The following PLPP1 variants were observed in gnomAD, a reference collection of about 807,000 sequenced individuals.
PLPP1 encodes lipid phosphate phosphohydrolase 1a.
Under a neutral mutation model 31.2 loss-of-function variants are expected in PLPP1, and 24 were observed. The observed-to-expected ratio is 0.77, with a 90% confidence interval of 0.56 to 1.08. The LOEUF is 1.08. Among genes scored for constraint, PLPP1 ranks in the 50% least tolerant of loss-of-function variants. The pLI is 0.00. For synonymous variants in PLPP1, 146 were observed against 126.3 expected (o/e 1.16, Z -1.05); for missense variants, 319 against 342.7 (o/e 0.93, Z 0.55).
At chr5:55,454,107 C>T (rs1485847477) in intron 3 of PLPP1, among the ~76,000 whole-genome samples, 1 of 152,044 alleles carries the variant, frequency 6.6e-6, no homozygotes, top group Non-Finnish European at 1.5e-5. Flanking sequence ...TTCTGTTCTT[C>T]CAGAAACCAA....
intron 1 of PLPP1, chr5:55,530,052 C>T (rs1460844844): frequency 9.3e-6 from 6 of 644,778 alleles, no homozygotes; most frequent in Non-Finnish European, 1.7e-5. Context: ...GACTGAATTA[C>T]TTTTATTAAT....
At chr5:55,453,195 A>G (rs1751930755) in intron 3 of PLPP1, among the ~76,000 whole-genome samples, 6 of 152,234 alleles carry the variant, frequency 3.9e-5, no homozygotes. Flanking sequence ...CACAAGAAGT[A>G]TACTTTAACA....
chr5:55,472,067 A>G (rs1561236206), intron 2 of PLPP1, among the ~76,000 whole-genome samples: 1 of 152,208 alleles, frequency 6.6e-6, no homozygotes, highest in Non-Finnish European at 1.5e-5. Context: ...GGCTGCAGTG[A>G]GCTCTGATCA....
intron 2 of PLPP1, among the ~76,000 whole-genome samples, chr5:55,474,383 A>G (rs1169996204): frequency 1.3e-5 from 2 of 152,218 alleles, no homozygotes; most frequent in East Asian, 1.9e-4. Context: ...CTGGAACCAT[A>G]ATATTACAAG....
chr5:55,483,151 C>T lies in PLPP1; in HGVS notation c.59-7701G>A, dbSNP rs1222913179. Among the ~76,000 whole-genome samples, 7 of 151,898 alleles carry T rather than the reference C, an allele frequency of 4.6e-5. No homozygotes were observed. The East Asian group carries it at 1.3e-3, about 29-fold the overall frequency. ...AATTAACTTAGGAGCACTTAGACTA[C>T]CAAAATTAATAAAAAATATTTCTTA... is the stretch of plus-strand genomic sequence containing the variant. On this transcript the variant is annotated intron_variant, in intron 1 of 5. Coordinates refer to ENST00000307259, the MANE Select transcript of PLPP1 (RefSeq NM_003711.4).
At chr5:55,478,391 T>C (rs911501046) in intron 1 of PLPP1, among the ~76,000 whole-genome samples, 1 of 152,180 alleles carries the variant, frequency 6.6e-6, no homozygotes, top group African/African-American at 2.4e-5. Flanking sequence ...TACATAATTA[T>C]AGCAGAGAAT....
intron 1 of PLPP1, among the ~76,000 whole-genome samples, chr5:55,480,950 TG>T (rs982109821): frequency 6.6e-6 from 1 of 152,228 alleles, no homozygotes; most frequent in African/African-American, 2.4e-5. Context: ...TCAGGTTCTC[TG>T]CATAGTAAAC....
intron 3 of PLPP1, among the ~76,000 whole-genome samples, chr5:55,464,233 ATCTT>A (rs1431663872): frequency 1.1e-4 from 11 of 101,040 alleles, no homozygotes; most frequent in African/African-American, 4.2e-4. Context: ...TGTTCAGAAC[ATCTT>A]TTTTTTTTTT....
At position 55,534,801 on chromosome 5, in the gene PLPP1, C is replaced by T. The variant is rs144489020; in HGVS notation, c.-172G>A. 13,038 of 628,698 alleles carry T rather than the reference C, an allele frequency of 0.021. 197 individuals are homozygous for T. The highest frequency in any genetic ancestry group is 0.038 in the Middle Eastern group (86 of 2,286). 38.9% of individuals were successfully genotyped at this position (628,698 alleles called of 1,614,324 possible). A position where few individuals can be genotyped will look rare whatever the true frequency, so the allele number is the denominator to read the frequency against. On this transcript the variant is annotated 5_prime_UTR_variant, in exon 1 of 6. Transcript: ENST00000307259. ...GGCTGAGACCGGGCGGCGCTCCCAC[C>T]GCCAGCAATGGCGCCCGGGGCCCTC...
chr5:55,437,260 G>A (rs993925622), intron 4 of PLPP1, among the ~76,000 whole-genome samples: 4 of 152,100 alleles, frequency 2.6e-5, no homozygotes, highest in African/African-American at 9.7e-5. Context: ...ATCGTTGAAC[G>A]AGATATTTTT....
intron 3 of PLPP1, among the ~76,000 whole-genome samples, chr5:55,445,566 A>C (rs1751745549): frequency 9.3e-6 from 1 of 107,066 alleles, no homozygotes; most frequent in Admixed American, 1.3e-4. Flanking sequence ...TTTTTTTGAG[A>C]CAGAGTCTCA....
chr5:55,488,543 G>A (rs1457486404), intron 1 of PLPP1, among the ~76,000 whole-genome samples: 1 of 152,110 alleles, frequency 6.6e-6, no homozygotes, highest in Non-Finnish European at 1.5e-5. Flanking sequence ...CTACTCGGGA[G>A]GTCAAGGCAG....
chr5:55,462,894 A>C (rs959874622), intron 3 of PLPP1, among the ~76,000 whole-genome samples: 2 of 151,902 alleles, frequency 1.3e-5, no homozygotes, highest in Non-Finnish European at 2.9e-5. Flanking sequence ...AATGGCGTGA[A>C]CCCGGGAGGC....
intron 2 of PLPP1, 194 bp from the exon 3 acceptor site, chr5:55,468,343 A>G: frequency 1.9e-6 from 1 of 520,842 alleles, no homozygotes; most frequent in Non-Finnish European, 3.3e-6. Context: ...CAGGTGTCAT[A>G]TCAATGGTGG....
rs35191893 is a variant in PLPP1, at chr5:55,521,351, C to CAA, written c.58+13219_58+13220dup. On this transcript the variant is annotated intron_variant, in intron 1 of 5. Coordinates refer to ENST00000307259, the MANE Select transcript of PLPP1 (RefSeq NM_003711.4). ...TGGGTGACAGAGCAAGACTCTGTCTCAAAAAAAAAAAAAAAATTGGCCAGG... is the reference window on the plus strand; with the variant it reads ...TGGGTGACAGAGCAAGACTCTGTCTCAAAAAAAAAAAAAAAAAATTGGCCAGG... Among the ~76,000 whole-genome samples, 70 of 141,082 alleles carry CAA rather than the reference C, an allele frequency of 5.0e-4. 1 individual carries two copies. The highest frequency in any genetic ancestry group is 7.2e-3 in the Middle Eastern group (2 of 278). The allele number at this position is 141,082 out of a possible 152,430, so 92.6% of individuals were successfully genotyped here.
chr5:55,500,357 G>A (rs2111878578), intron 1 of PLPP1, among the ~76,000 whole-genome samples: 1 of 152,202 alleles, frequency 6.6e-6, no homozygotes, highest in South Asian at 2.1e-4. Flanking sequence ...GGGATTACAG[G>A]CGTGAGCCAC....
At chr5:55,480,666 C>T (rs564581903) in intron 1 of PLPP1, among the ~76,000 whole-genome samples, 1 of 152,066 alleles carries the variant, frequency 6.6e-6, no homozygotes, top group Non-Finnish European at 1.5e-5. Flanking sequence ...TATGTATATA[C>T]CACATTTGGT....
chr5:55,534,412 C>G (rs2111972156), intron 1 of PLPP1, among the ~76,000 whole-genome samples, 160 bp downstream of exon 1: 1 of 152,344 alleles, frequency 6.6e-6, no homozygotes, highest in African/African-American at 2.4e-5. Context: ...GGGGTGCAGG[C>G]TGCAAAGCGG....
chr5:55,527,434 T>C (rs6450314), intron 1 of PLPP1, among the ~76,000 whole-genome samples: 18,349 of 152,168 alleles, frequency 0.12, 1,148 homozygotes, highest in Middle Eastern at 0.16. Context: ...TGGAGCATGC[T>C]GAGGGAACCA....
Sources: gnomAD v4.1 joint callset for allele counts (sites outside exome capture counted in the v4.1 genomes callset) on GRCh38, gnomAD v4.1.1 for gene constraint, MANE v1.5 for transcripts, NCBI Gene and HGNC (gene_info 2026-07-23, HGNC 2026-07-21) for gene names.